The following CLIC2 variants were observed in gnomAD, a reference collection of about 807,000 sequenced individuals.
CLIC2 encodes the protein CLIC family member 2, also known as chloride intracellular channel protein 2.
In CLIC2, 9 loss-of-function variants were observed where a neutral mutation model predicts 14.8. That is an observed-to-expected ratio of 0.61 (90% CI 0.37 to 1.06). The LOEUF (loss-of-function observed/expected upper bound fraction) is 1.06, where lower values mean the gene tolerates loss of function less well. Among genes scored for constraint, CLIC2 ranks in the 50% least tolerant of loss-of-function variants. CLIC2 has a pLI of 0.01. For synonymous variants in CLIC2, 61 were observed against 66.3 expected, an observed-to-expected ratio of 0.92 and a Z score of 0.39; for missense variants, 148 against 181.4, an observed-to-expected ratio of 0.82 and a Z score of 1.06.
intron 1 of CLIC2, among the ~76,000 whole-genome samples, chrX:155,303,023 G>A (rs1263940637): frequency 1.1e-5 from 1 of 90,608 alleles, no homozygotes; most frequent in East Asian, 3.8e-4. Flanking sequence ...TTTGGAATAG[G>A]TGTGGTGTGG....
chrX:155,284,254 A>ATTT lies in CLIC2; in HGVS notation c.294-4189_294-4187dup, dbSNP rs781838836. Among the ~76,000 whole-genome samples, 221 of 92,619 alleles carry ATTT rather than the reference A, an allele frequency of 2.4e-3. 3 individuals carry two copies. The highest frequency in any genetic ancestry group is 5.7e-3 in the Middle Eastern group (1 of 174). 80.4% of individuals were successfully genotyped at this position (92,619 alleles called of 115,157 possible). A position where few individuals can be genotyped will look rare whatever the true frequency, so the allele number is the denominator to read the frequency against. ...GTATCTCAGCCTCTTTCTCCCTGGG[A>ATTT]TTTTTTTTTTTTTTTTGAGATGGAG... On this transcript the variant is annotated intron_variant, in intron 3 of 5. Coordinates refer to ENST00000369449, the MANE Select transcript of CLIC2 (RefSeq NM_001289.6).
intron 3 of CLIC2, chrX:155,290,892 G>A: frequency 1.5e-6 from 1 of 675,800 alleles, no homozygotes; most frequent in Admixed American, 2.2e-5. Flanking sequence ...ACGTCAGTCT[G>A]TACCTCATTG....
At chrX:155,307,350 C>G (rs1300702713) in intron 1 of CLIC2, among the ~76,000 whole-genome samples, 1 of 110,657 alleles carries the variant, frequency 9.0e-6, no homozygotes, top group Non-Finnish European at 1.9e-5. Flanking sequence ...CAGGGAATAA[C>G]ATGTGCAAAG....
intron 3 of CLIC2, chrX:155,290,438 C>T: frequency 2.0e-6 from 1 of 502,155 alleles, no homozygotes; most frequent in South Asian, 3.0e-5. Context: ...TTGGGATGTA[C>T]TTCTTCTTCA....
chrX:155,322,155 G>A, intron 1 of CLIC2, among the ~76,000 whole-genome samples: 1 of 111,200 alleles, frequency 9.0e-6, no homozygotes, highest in South Asian at 3.8e-4. Flanking sequence ...CAACGAGACA[G>A]AAAATTAACA....
In CLIC2 at chrX:155,299,152, A is replaced by G. The variant is rs781906962; in HGVS notation, c.58-7T>C. ...TCTCTCCATCACTTCCAGCCTATTA[A>G]GATAAAGAGAGACCTCAGTTCATTT... On this transcript the variant is annotated splice_region_variant and splice_polypyrimidine_tract_variant and intron_variant, in intron 1 of 5. Transcript: ENST00000369449. 3.5e-6 allele frequency: 4 copies of G among 1,146,771 alleles called. No individual in the cohort carries two copies. The East Asian group carries it at 1.2e-4, about 34-fold the overall frequency. The allele number at this position is 1,146,771 out of a possible 1,213,427, so 94.5% of individuals were successfully genotyped here. A position where few individuals can be genotyped will look rare whatever the true frequency, so the allele number is the denominator to read the frequency against.
At chrX:155,310,897 T>C (rs1485060030) in intron 1 of CLIC2, among the ~76,000 whole-genome samples, 1 of 112,796 alleles carries the variant, frequency 8.9e-6, no homozygotes, top group Non-Finnish European at 1.9e-5. Flanking sequence ...GCATGCTCTG[T>C]AGCCACAGCC....
At position 155,310,483 on chromosome X, in the gene CLIC2, T is replaced by C. The variant is rs1470286690; in HGVS notation, c.58-11338A>G. 5 of 263,822 alleles carry C rather than the reference T, an allele frequency of 1.9e-5. No homozygotes were observed. The Admixed American group carries it at 2.0e-4, about 11-fold the overall frequency. 21.7% of individuals were successfully genotyped at this position (263,822 alleles called of 1,213,427 possible). ...TTGCATTTGCATTTTTCTCACCTTG[T>C]TTCCTTGGGCAGCTCTGCCCCTGTG... On this transcript the variant is annotated intron_variant, in intron 1 of 5. Coordinates refer to ENST00000369449, the MANE Select transcript of CLIC2 (RefSeq NM_001289.6).
At chrX:155,333,729 TA>T (rs5904403) in intron 1 of CLIC2, among the ~76,000 whole-genome samples, 2,738 of 86,076 alleles carry the variant, frequency 0.032, 41 homozygotes, top group South Asian at 0.048. Context: ...GTTGACATGT[TA>T]AAAAAAAAAA....
At chrX:155,301,489 G>A (rs1557319087) in intron 1 of CLIC2, among the ~76,000 whole-genome samples, 1 of 108,304 alleles carries the variant, frequency 9.2e-6, no homozygotes, top group African/African-American at 3.3e-5. Flanking sequence ...CTGAGACAAT[G>A]GGGTTTTCTA....
intron 3 of CLIC2, among the ~76,000 whole-genome samples, chrX:155,295,466 G>T (rs184525712): frequency 2.5e-4 from 28 of 110,360 alleles, no homozygotes; most frequent in Admixed American, 2.3e-3. Flanking sequence ...AAAAAAACAA[G>T]AATGCCCACT....
intron 1 of CLIC2, among the ~76,000 whole-genome samples, chrX:155,319,777 T>C (rs1331341134): frequency 3.6e-5 from 4 of 111,541 alleles, no homozygotes; most frequent in Non-Finnish European, 7.5e-5. Context: ...GTGGATCCCA[T>C]CCCATGGAGC....
intron 1 of CLIC2, among the ~76,000 whole-genome samples, chrX:155,323,197 T>C (rs2075123226): frequency 8.9e-6 from 1 of 111,987 alleles, no homozygotes. Flanking sequence ...AATTTCATCC[T>C]GACACCAGAA....
At chrX:155,285,760 C>T (rs782621759) in intron 3 of CLIC2, among the ~76,000 whole-genome samples, 29 of 110,861 alleles carry the variant, frequency 2.6e-4, no homozygotes, top group East Asian at 8.5e-4. Flanking sequence ...AATGAAATTA[C>T]GGAGCTATCA....
chrX:155,298,831 A>C lies in CLIC2; in HGVS notation c.247T>G (p.Phe83Val). Residue 83 changes from phenylalanine (F) to valine (V), a missense_variant, in exon 3 of 6, where the codon TTC (phenylalanine) becomes GTC (valine). Coordinates refer to ENST00000369449, the MANE Select transcript of CLIC2 (RefSeq NM_001289.6). Reference protein sequence around the residue: ...LVYNKELKTDFIKIEEFLEQT... With the variant: ...LVYNKELKTDVIKIEEFLEQT... ...TCTAAAAACTCCTCAATTTTAATGA[A>C]GTCTGTTTTCAACTCCTTGTTATAC... 1 of 1,209,847 alleles carries C rather than the reference A, an allele frequency of 8.3e-7. No homozygotes were observed. The highest frequency in any genetic ancestry group is 1.1e-6 in the Non-Finnish European group (1 of 893,736).
intron 3 of CLIC2, among the ~76,000 whole-genome samples, chrX:155,288,840 T>G (rs1434273457): frequency 9.0e-6 from 1 of 111,338 alleles, no homozygotes; most frequent in Non-Finnish European, 1.9e-5. Flanking sequence ...CCTTAGATAA[T>G]AAGGTTTAGA....
At chrX:155,301,555 T>C (rs782371722) in intron 1 of CLIC2, among the ~76,000 whole-genome samples, 5 of 96,940 alleles carry the variant, frequency 5.2e-5, no homozygotes, top group Admixed American at 1.2e-4. Flanking sequence ...CTTTTCCTAA[T>C]TGAATACCCT....
chrX:155,319,929 AAAC>A (rs1215132857), intron 1 of CLIC2, among the ~76,000 whole-genome samples: 1 of 112,358 alleles, frequency 8.9e-6, no homozygotes, highest in East Asian at 2.8e-4. Flanking sequence ...CTCACAGTGT[AAAC>A]AAAGCCACCA....
In CLIC2 at chrX:155,330,312, A is replaced by G. The variant is rs782342972; in HGVS notation, c.57+4059T>C. 3.6e-5 allele frequency among the ~76,000 whole-genome samples: 4 copies of G among 111,634 alleles called. No homozygotes were observed. The East Asian group carries it at 8.4e-4, about 23-fold the overall frequency. ...AATATTCCATGCAACCCATAAATAT[A>G]TATACCTACTATGTACTCACAAAAA... On this transcript the variant is annotated intron_variant, in intron 1 of 5. Transcript: ENST00000369449.
Sources: allele counts gnomAD v4.1 joint callset (sites outside exome capture counted in the v4.1 genomes callset), GRCh38; gene constraint gnomAD v4.1.1; transcripts MANE v1.5; gene names NCBI Gene and HGNC (gene_info 2026-07-23, HGNC 2026-07-21).